MCU: variants seen among roughly 807,000 people sequenced by gnomAD.
MCU encodes the protein calcium uniporter protein, mitochondrial.
Under a neutral mutation model 45.2 loss-of-function variants are expected in MCU, and 12 were observed. That is an observed-to-expected ratio of 0.27 (90% CI 0.17 to 0.43). The LOEUF (loss-of-function observed/expected upper bound fraction) is 0.43. Ranked by LOEUF, MCU falls within the 20% of genes least tolerant of loss-of-function variation. The pLI is 1.00. For missense variants in MCU, 324 were observed against 436.7 expected (o/e 0.74, Z 2.30); for synonymous variants, 160 against 165.1 (o/e 0.97, Z 0.24).
intron 1 of MCU, among the ~76,000 whole-genome samples, chr10:72,821,016 A>G (rs897305478): frequency 1.3e-5 from 2 of 152,052 alleles, no homozygotes; most frequent in Non-Finnish European, 2.9e-5. Flanking sequence ...TTGTACATAC[A>G]ATTCTATTCC....
At chr10:72,748,814 C>T (rs1843453610) in intron 1 of MCU, among the ~76,000 whole-genome samples, 1 of 152,026 alleles carries the variant, frequency 6.6e-6, no homozygotes, top group African/African-American at 2.4e-5. Flanking sequence ...GAAACCTGTT[C>T]TTTCCTTGAC....
chr10:72,770,907 T>C (rs1843796925), intron 1 of MCU, among the ~76,000 whole-genome samples: 1 of 152,186 alleles, frequency 6.6e-6, no homozygotes, highest in South Asian at 2.1e-4. Flanking sequence ...CTTCGTTTTT[T>C]TTCCTTTGTA....
chr10:72,714,350 T>TTTTTTTTTTTTTTTTTTTG, intron 1 of MCU, among the ~76,000 whole-genome samples: 1 of 120,522 alleles, frequency 8.3e-6, no homozygotes, highest in Non-Finnish European at 1.8e-5. Context: ...CTGGTCTTTT[T>TTTTTTTTTTTTTTTTTTTG]TTTTTTTTTT....
intron 1 of MCU, among the ~76,000 whole-genome samples, chr10:72,737,151 A>G (rs1311461667): frequency 6.6e-6 from 1 of 152,218 alleles, no homozygotes; most frequent in Non-Finnish European, 1.5e-5. Context: ...TGTTGATACC[A>G]TAGTAGTTGT....
At chr10:72,865,368 T>C (rs1845437185) in intron 4 of MCU, among the ~76,000 whole-genome samples, 2 of 152,192 alleles carry the variant, frequency 1.3e-5, no homozygotes, top group African/African-American at 4.8e-5. Flanking sequence ...TGAACTTAAG[T>C]AATTCAATAG....
chr10:72,744,069 A>G (rs1843375152), intron 1 of MCU, among the ~76,000 whole-genome samples: 2 of 151,122 alleles, frequency 1.3e-5, no homozygotes, highest in Non-Finnish European at 2.9e-5. Flanking sequence ...TGTTATTTAT[A>G]TACATAAATA....
intron 1 of MCU, among the ~76,000 whole-genome samples, chr10:72,790,001 A>G (rs1372330534): frequency 6.6e-6 from 1 of 152,168 alleles, no homozygotes; most frequent in Non-Finnish European, 1.5e-5. Context: ...TCCACTAGCC[A>G]TTTCTAGTTA....
At chr10:72,873,772 A>AT (rs1845581822) in intron 6 of MCU, among the ~76,000 whole-genome samples, 1 of 152,080 alleles carries the variant, frequency 6.6e-6, no homozygotes, top group African/African-American at 2.4e-5. Flanking sequence ...TTTTGATTTG[A>AT]TTTTTTGTAT....
At chr10:72,806,360 A>G (rs1844451094) in intron 1 of MCU, among the ~76,000 whole-genome samples, 1 of 152,194 alleles carries the variant, frequency 6.6e-6, no homozygotes. Flanking sequence ...GGGTTTCTCC[A>G]TGTTGGTCAG....
At chr10:72,808,367 A>G (rs1844487159) in intron 1 of MCU, among the ~76,000 whole-genome samples, 1 of 152,250 alleles carries the variant, frequency 6.6e-6, no homozygotes, top group Non-Finnish European at 1.5e-5. Flanking sequence ...GGAACATATA[A>G]TGATTGCAGA....
chr10:72,822,543 T>C (rs1275037047), intron 1 of MCU, among the ~76,000 whole-genome samples: 3 of 152,182 alleles, frequency 2.0e-5, no homozygotes, highest in Non-Finnish European at 4.4e-5. Flanking sequence ...AAGTTCTGAA[T>C]AGGCATTTTT....
intron 2 of MCU, among the ~76,000 whole-genome samples, chr10:72,853,051 CA>C (rs1268229647): frequency 6.6e-6 from 1 of 152,164 alleles, no homozygotes; most frequent in African/African-American, 2.4e-5. Flanking sequence ...GCCAAACTAA[CA>C]TGCAACTAAT....
intron 2 of MCU, among the ~76,000 whole-genome samples, chr10:72,835,854 C>T (rs1374546145): frequency 6.6e-6 from 1 of 152,076 alleles, no homozygotes; most frequent in African/African-American, 2.4e-5. Flanking sequence ...GCTGTGTTGC[C>T]CCCAGTCAAG....
chr10:72,742,194 T>G (rs1355452404), intron 1 of MCU, among the ~76,000 whole-genome samples: 1 of 152,200 alleles, frequency 6.6e-6, no homozygotes. Flanking sequence ...CAGGAACATG[T>G]TGTACAGGTG....
intron 1 of MCU, among the ~76,000 whole-genome samples, chr10:72,821,566 C>G (rs549948898): frequency 3.9e-5 from 6 of 152,168 alleles, no homozygotes; most frequent in African/African-American, 1.4e-4. Context: ...AACAAACAAG[C>G]ATGCTTTTCT....
At chr10:72,705,732 C>A (rs1315490627) in intron 1 of MCU, among the ~76,000 whole-genome samples, 1 of 151,922 alleles carries the variant, frequency 6.6e-6, no homozygotes. Flanking sequence ...GCAGGAGAAT[C>A]ATTTGAACCC....
intron 2 of MCU, among the ~76,000 whole-genome samples, chr10:72,858,285 C>CA (rs1387650717): frequency 6.6e-6 from 1 of 152,128 alleles, no homozygotes; most frequent in Non-Finnish European, 1.5e-5. Flanking sequence ...GTCCCGTGTA[C>CA]AAAAAATGGC....
intron 1 of MCU, among the ~76,000 whole-genome samples, chr10:72,811,777 T>C (rs1844547080): frequency 6.6e-6 from 1 of 152,222 alleles, no homozygotes; most frequent in South Asian, 2.1e-4. Context: ...AACTTATCTT[T>C]GAAGATAAAA....
chr10:72,868,928 G>T, intron 5 of MCU, 65 bp downstream of exon 5: 2 of 1,507,828 alleles, frequency 1.3e-6, no homozygotes, highest in Non-Finnish European at 1.8e-6. Context: ...ATATGTTTCT[G>T]TTTTTTCTTG....
Sources: allele counts gnomAD v4.1 joint callset (sites outside exome capture counted in the v4.1 genomes callset), GRCh38; gene constraint gnomAD v4.1.1; transcripts MANE v1.5; gene names NCBI Gene and HGNC (gene_info 2026-07-23, HGNC 2026-07-21).